Variants in STIM1 observed in about 807,000 individuals in gnomAD.
The protein encoded by STIM1 is stromal interaction molecule 1.
A neutral mutation model predicts 74.7 loss-of-function variants in STIM1; 25 were observed. The ratio of observed to expected loss-of-function variants is 0.33; its 90% CI spans 0.24 to 0.47. STIM1 has a LOEUF of 0.47. Among genes scored for constraint, STIM1 ranks in the 20% least tolerant of loss-of-function variants. STIM1 has a pLI of 1.00. For missense variants in STIM1, 728 were observed against 920.8 expected (o/e 0.79, Z 2.71); for synonymous variants, 328 against 348.8 (o/e 0.94, Z 0.66).
At chr11:3,984,151 C>A (rs1356705473) in intron 2 of STIM1, among the ~76,000 whole-genome samples, 1 of 152,122 alleles carries the variant, frequency 6.6e-6, no homozygotes. Context: ...CAGGTGTGAG[C>A]AACCGTGTCC....
At chr11:3,894,023 G>T (rs1050827642) in intron 1 of STIM1, among the ~76,000 whole-genome samples, 1 of 152,020 alleles carries the variant, frequency 6.6e-6, no homozygotes, top group Admixed American at 6.6e-5. Context: ...CAAGCGATCT[G>T]CCCACCTCCC....
intron 1 of STIM1, among the ~76,000 whole-genome samples, chr11:3,868,484 T>TA (rs2090954380): frequency 6.6e-6 from 1 of 152,188 alleles, no homozygotes; most frequent in African/African-American, 2.4e-5. Context: ...TATTTTTGTT[T>TA]AATAACTTGG....
At chr11:3,984,956 T>C (rs1325696011) in intron 2 of STIM1, among the ~76,000 whole-genome samples, 1 of 152,150 alleles carries the variant, frequency 6.6e-6, no homozygotes, top group Non-Finnish European at 1.5e-5. Flanking sequence ...TGATCTTATA[T>C]GTACTGGTGT....
intron 1 of STIM1, among the ~76,000 whole-genome samples, chr11:3,895,755 C>T (rs566541219): frequency 0.029 from 1,290 of 44,888 alleles, 167 homozygotes; most frequent in Non-Finnish European, 0.035. Context: ...TTCCTTCCTT[C>T]CTTCCTTCCT....
intron 1 of STIM1, among the ~76,000 whole-genome samples, chr11:3,886,472 A>G (rs2091708371): frequency 6.6e-6 from 1 of 151,948 alleles, no homozygotes; most frequent in Non-Finnish European, 1.5e-5. Flanking sequence ...GCAGATCACG[A>G]GGTCAGGAGA....
At chr11:3,974,098 T>A in intron 2 of STIM1, 1 of 694,618 alleles carries the variant, frequency 1.4e-6, no homozygotes, top group Non-Finnish European at 2.6e-6. Flanking sequence ...TATTTGGATC[T>A]CTCATTACCA....
intron 3 of STIM1, among the ~76,000 whole-genome samples, chr11:4,039,604 A>C (rs896660503): frequency 2.7e-5 from 4 of 150,882 alleles, no homozygotes; most frequent in Non-Finnish European, 4.4e-5. Context: ...AAAAAAAAAA[A>C]ACGAAAGAAA....
intron 1 of STIM1, among the ~76,000 whole-genome samples, chr11:3,874,838 A>G (rs2091256718): frequency 6.6e-6 from 1 of 152,234 alleles, no homozygotes; most frequent in South Asian, 2.1e-4. Context: ...ATAGACTGGC[A>G]AGGGTAAGGG....
chr11:4,067,637 A>G (rs922409757), intron 5 of STIM1, among the ~76,000 whole-genome samples: 2 of 152,246 alleles, frequency 1.3e-5, no homozygotes, highest in African/African-American at 2.4e-5. Flanking sequence ...CTAGCAAGTT[A>G]GTGTCCCTTA....
Position 4,075,436 on chromosome 11 carries a change from A to G in STIM1, c.969+757A>G, listed in dbSNP as rs372511334. 1.7e-4 allele frequency among the ~76,000 whole-genome samples: 26 copies of G among 152,346 alleles called. No homozygotes were observed. In the South Asian group the frequency reaches 3.5e-3, roughly 21 times the overall value. ...TAACTACTGTCACAACTTGTAAACC[A>G]GATTAGTTTTGTCTAATTTTGAACT... On this transcript the variant is annotated intron_variant, in intron 7 of 12. Coordinates refer to ENST00000526596, the MANE Select transcript of STIM1 (RefSeq NM_001382567.1).
chr11:3,954,229 C>G (rs2093184265), intron 1 of STIM1, among the ~76,000 whole-genome samples: 1 of 152,088 alleles, frequency 6.6e-6, no homozygotes, highest in Non-Finnish European at 1.5e-5. Flanking sequence ...TTGCCCCTTG[C>G]CATATTTTAC....
intron 1 of STIM1, among the ~76,000 whole-genome samples, chr11:3,878,961 TC>T (rs377479067): frequency 5.9e-5 from 9 of 151,306 alleles, no homozygotes; most frequent in South Asian, 2.1e-4. Context: ...TCTTCATACC[TC>T]TTTTTTTTTT....
intron 5 of STIM1, among the ~76,000 whole-genome samples, chr11:4,063,072 G>A (rs2094342173): frequency 6.6e-6 from 1 of 152,126 alleles, no homozygotes; most frequent in African/African-American, 2.4e-5. Context: ...CAAATCCATA[G>A]AGACAGAAAA....
chr11:4,040,038 G>A (rs890034642), intron 3 of STIM1, among the ~76,000 whole-genome samples: 56 of 152,094 alleles, frequency 3.7e-4, no homozygotes, highest in African/African-American at 1.3e-3. Flanking sequence ...CAAAGTGCTG[G>A]GATTACAGGT....
intron 3 of STIM1, among the ~76,000 whole-genome samples, chr11:4,048,026 G>A (rs2094207770): frequency 1.3e-5 from 2 of 152,022 alleles, no homozygotes; most frequent in Admixed American, 1.3e-4. Context: ...TCAGCATGTT[G>A]GCCAGGATGA....
chr11:4,052,998 C>T (rs1407175545), intron 3 of STIM1, among the ~76,000 whole-genome samples: 2 of 152,178 alleles, frequency 1.3e-5, no homozygotes, highest in Non-Finnish European at 2.9e-5. Flanking sequence ...CGTCACTGGC[C>T]ATCAGAGAAA....
chr11:4,085,297 G>A (rs2133234740), intron 11 of STIM1, among the ~76,000 whole-genome samples: 1 of 152,220 alleles, frequency 6.6e-6, no homozygotes, highest in East Asian at 1.9e-4. Flanking sequence ...CTTGTAACCT[G>A]GCCCTTTCTC....
chr11:4,051,603 A>G (rs2094242309), intron 3 of STIM1, among the ~76,000 whole-genome samples: 1 of 151,986 alleles, frequency 6.6e-6, no homozygotes, highest in Non-Finnish European at 1.5e-5. Flanking sequence ...TTCGCCTCCC[A>G]AAGTGCTGGG....
chr11:3,997,433 A>G (rs1590632462), intron 2 of STIM1, among the ~76,000 whole-genome samples: 1 of 152,118 alleles, frequency 6.6e-6, no homozygotes, highest in Admixed American at 6.5e-5. Context: ...AGGTGGGAGA[A>G]TTGCTTGAGC....
Sources: allele counts gnomAD v4.1 joint callset (sites outside exome capture counted in the v4.1 genomes callset), GRCh38; gene constraint gnomAD v4.1.1; transcripts MANE v1.5; gene names NCBI Gene and HGNC (gene_info 2026-07-23, HGNC 2026-07-21).